Variants in HDAC4 observed in about 807,000 individuals in gnomAD.
HDAC4 encodes the protein histone deacetylase 4.
In HDAC4, 16 loss-of-function variants were observed where a neutral mutation model predicts 135.1. The ratio of observed to expected loss-of-function variants is 0.12; its 90% CI spans 0.08 to 0.18. HDAC4 has a LOEUF of 0.18. Ranked by LOEUF, HDAC4 falls within the 10% of genes least tolerant of loss-of-function variation. The pLI, the probability that HDAC4 is intolerant of heterozygous loss-of-function variation, is 1.00. For synonymous variants in HDAC4, 685 were observed against 653.4 expected (o/e 1.05, Z -0.74); for missense variants, 1,143 against 1,511.8 (o/e 0.76, Z 4.05).
intron 2 of HDAC4, among the ~76,000 whole-genome samples, chr2:239,268,837 G>A (rs1338878537): frequency 6.6e-6 from 1 of 152,204 alleles, no homozygotes; most frequent in South Asian, 2.1e-4. Flanking sequence ...CCTACCAGGG[G>A]ACCTTAGGGC....
chr2:239,050,791 T>C lies in HDAC4; in HGVS notation c.*2306A>G, dbSNP rs950149675. The C allele has an allele frequency of 2.0e-5, 3 of 152,420 alleles. No individual in the cohort carries two copies. The highest frequency in any genetic ancestry group is 7.3e-5 in the African/African-American group (3 of 41,348). The allele number at this position is 152,420 out of a possible 1,614,324, so 9.4% of individuals were successfully genotyped here. On this transcript the variant is annotated 3_prime_UTR_variant, in exon 27 of 27. Transcript: ENST00000543185. ...ACTGGTGGCTTCATGTGCTGGAAAA[T>C]AAGTTACCAGTAAAACGTGACTGTC... is the stretch of plus-strand genomic sequence containing the variant.
intron 5 of HDAC4, among the ~76,000 whole-genome samples, chr2:239,171,541 TCCCA>T (rs1423165046): frequency 3.9e-5 from 6 of 152,180 alleles, no homozygotes; most frequent in Non-Finnish European, 8.8e-5. Context: ...TATAACTAAA[TCCCA>T]GATAGATTAA....
At chr2:239,388,217 A>C (rs1406822270) in intron 1 of HDAC4, among the ~76,000 whole-genome samples, 1 of 152,210 alleles carries the variant, frequency 6.6e-6, no homozygotes, top group Non-Finnish European at 1.5e-5. Flanking sequence ...TCAAGGAGGA[A>C]ACCCTGAAGT....
intron 22 of HDAC4, among the ~76,000 whole-genome samples, chr2:239,073,384 G>T (rs888207524): frequency 2.4e-4 from 37 of 152,328 alleles, no homozygotes; most frequent in Non-Finnish European, 2.9e-5. Flanking sequence ...TTCCTGCCAC[G>T]GGTCAGATAG....
At chr2:239,107,881 T>C (rs1359566002) in intron 15 of HDAC4, among the ~76,000 whole-genome samples, 169 bp downstream of exon 15, 1 of 152,192 alleles carries the variant, frequency 6.6e-6, no homozygotes, top group African/African-American at 2.4e-5. Flanking sequence ...TCTCAGCAGA[T>C]AGCTGCCCGC....
Position 239,068,819 on chromosome 2 carries a change from C to G in HDAC4, c.2751-212G>C. 1 of 617,746 alleles carries G rather than the reference C, an allele frequency of 1.6e-6. No homozygotes were observed. Among genetic ancestry groups the G allele is most frequent in the Non-Finnish European group, 3.0e-6 (1 of 333,582 alleles). The allele number at this position is 617,746 out of a possible 1,614,324, so 38.3% of individuals were successfully genotyped here. ...CGTGTGATCCAGGCTCATTTCACATCTTCACAGTGCAAGCCAGCAAGCCCC... is the reference window on the plus strand; with the variant it reads ...CGTGTGATCCAGGCTCATTTCACATGTTCACAGTGCAAGCCAGCAAGCCCC... On this transcript the variant is annotated intron_variant, in intron 22 of 26. Transcript: ENST00000543185. This position sits in a 1 kb window ranked among gnomAD's most constrained non-coding sequence, Gnocchi z 4.4.
chr2:239,344,825 C>G (rs896421165), intron 2 of HDAC4, among the ~76,000 whole-genome samples: 2 of 152,184 alleles, frequency 1.3e-5, no homozygotes, highest in Non-Finnish European at 2.9e-5. Context: ...CGGAACTATC[C>G]AGGCATTTCT....
At chr2:239,258,130 C>G (rs1195916000) in intron 2 of HDAC4, among the ~76,000 whole-genome samples, 1 of 151,862 alleles carries the variant, frequency 6.6e-6, no homozygotes, top group African/African-American at 2.4e-5. Context: ...CTGAAAAATG[C>G]AAAAAGTGAA....
chr2:239,264,846 C>A (rs1262281847), intron 2 of HDAC4, among the ~76,000 whole-genome samples: 4 of 152,216 alleles, frequency 2.6e-5, no homozygotes, highest in Non-Finnish European at 4.4e-5. Flanking sequence ...CCCCTTCCTT[C>A]CTACTCGGTG....
rs567054687 is a variant in HDAC4, at chr2:239,075,745, C to T, written c.2750+5350G>A. 7.2e-5 allele frequency among the ~76,000 whole-genome samples: 11 copies of T among 152,378 alleles called. No homozygotes were observed. The East Asian group carries it at 1.4e-3, about 19-fold the overall frequency. ...CCGACACAGCACTGCACCCTTCACTCGGTCATCAGCCAACCTGCACCTGCA... is the reference window on the plus strand; with the variant it reads ...CCGACACAGCACTGCACCCTTCACTTGGTCATCAGCCAACCTGCACCTGCA... On this transcript the variant is annotated intron_variant, in intron 22 of 26. Coordinates refer to ENST00000543185, the MANE Select transcript of HDAC4 (RefSeq NM_001378414.1).
chr2:239,226,534 C>A (rs1031149897), intron 3 of HDAC4, among the ~76,000 whole-genome samples: 1 of 152,152 alleles, frequency 6.6e-6, no homozygotes, highest in Non-Finnish European at 1.5e-5. Context: ...TCAGACAGCA[C>A]CCCCAATTCT....
chr2:239,327,769 A>C (rs2125800753), intron 2 of HDAC4, among the ~76,000 whole-genome samples: 1 of 152,282 alleles, frequency 6.6e-6, no homozygotes, highest in South Asian at 2.1e-4. Flanking sequence ...GCCCTCGGAA[A>C]CCCAGAGCAA....
chr2:239,266,331 C>T (rs1310386099), intron 2 of HDAC4, among the ~76,000 whole-genome samples: 1 of 152,200 alleles, frequency 6.6e-6, no homozygotes, highest in Non-Finnish European at 1.5e-5. Flanking sequence ...TCTGACTGTC[C>T]TCAATGCCCT....
chr2:239,344,181 C>T (rs1256668689), intron 2 of HDAC4, among the ~76,000 whole-genome samples: 1 of 152,176 alleles, frequency 6.6e-6, no homozygotes, highest in Non-Finnish European at 1.5e-5. Context: ...GCGACCTGCC[C>T]CCACTGCCGG....
chr2:239,237,053 C>A (rs907093404), intron 2 of HDAC4, among the ~76,000 whole-genome samples: 1 of 152,106 alleles, frequency 6.6e-6, no homozygotes, highest in Non-Finnish European at 1.5e-5. Context: ...ACGGTCTGGA[C>A]GCTCACAGAA....
intron 2 of HDAC4, among the ~76,000 whole-genome samples, chr2:239,345,233 T>G (rs527252374): frequency 8.7e-4 from 132 of 152,196 alleles, no homozygotes; most frequent in Non-Finnish European, 1.5e-3. Context: ...TCTTCAAAAT[T>G]CCTTTTCTGC....
Position 239,164,099 on chromosome 2 carries a change from A to C in HDAC4, c.491-176T>G, listed in dbSNP as rs2290089. Among the ~76,000 whole-genome samples the C allele has an allele frequency of 0.62, 93,686 of 151,940 alleles. 29,608 individuals are homozygous for C. Among genetic ancestry groups the C allele is most frequent in the South Asian group, 0.75 (3,602 of 4,828 alleles). On this transcript the variant is annotated intron_variant, in intron 5 of 26. Transcript: ENST00000543185. Reference sequence around the variant, plus strand: ...CAAGGCCGGGAGGGGTTTTAATGAGAGGTTTTCTTCCCATCAAGATTTTAC... The same window carrying C: ...CAAGGCCGGGAGGGGTTTTAATGAGCGGTTTTCTTCCCATCAAGATTTTAC...
intron 16 of HDAC4, among the ~76,000 whole-genome samples, chr2:239,096,369 A>ACCCC (rs1394308247): frequency 5.3e-5 from 3 of 56,924 alleles, no homozygotes; most frequent in African/African-American, 7.3e-5. Flanking sequence ...AGATGCCTGC[A>ACCCC]ACCCCCCCCG....
chr2:239,395,334 T>C (rs768879257), intron 1 of HDAC4, among the ~76,000 whole-genome samples: 9 of 152,190 alleles, frequency 5.9e-5, no homozygotes, highest in Non-Finnish European at 5.9e-5. Context: ...AACCTGCTTC[T>C]GGTGGAAACC....
Sources: allele counts gnomAD v4.1 joint callset (sites outside exome capture counted in the v4.1 genomes callset), GRCh38; gene constraint gnomAD v4.1.1; non-coding constraint Gnocchi (gnomAD v3.1); transcripts MANE v1.5; gene names NCBI Gene and HGNC (gene_info 2026-07-23, HGNC 2026-07-21).